Variants in NPAS3 observed in about 807,000 individuals in gnomAD.
NPAS3 encodes neuronal PAS domain-containing protein 3.
A neutral mutation model predicts 73.1 loss-of-function variants in NPAS3; 14 were observed. That is an observed-to-expected ratio of 0.19 (90% confidence interval 0.13 to 0.30). The LOEUF (loss-of-function observed/expected upper bound fraction) is 0.30, where lower values mean the gene tolerates loss of function less well. Ranked by LOEUF, NPAS3 falls within the 10% of genes least tolerant of loss-of-function variation. The pLI is 1.00. For synonymous variants in NPAS3, 620 were observed against 541.5 expected, an observed-to-expected ratio of 1.14 and a Z score of -2.01; for missense variants, 1,096 against 1,250.0, an observed-to-expected ratio of 0.88 and a Z score of 1.86.
chr14:33,227,880 A>T (rs889620521), intron 3 of NPAS3, among the ~76,000 whole-genome samples: 6 of 152,202 alleles, frequency 3.9e-5, no homozygotes, highest in Non-Finnish European at 5.9e-5. Context: ...ATTTTAATGT[A>T]TCTTCAGAAT....
chr14:33,007,293 T>A (rs1046292720), intron 1 of NPAS3, among the ~76,000 whole-genome samples: 3 of 152,216 alleles, frequency 2.0e-5, no homozygotes, highest in African/African-American at 7.2e-5. Flanking sequence ...TTGGCTTAAC[T>A]CACTCGTTGC....
At chr14:33,189,061 A>G (rs1244186101) in intron 2 of NPAS3, among the ~76,000 whole-genome samples, 1 of 152,180 alleles carries the variant, frequency 6.6e-6, no homozygotes, top group East Asian at 1.9e-4. Flanking sequence ...ACAGTGTTGC[A>G]CAATAATGAA....
In NPAS3 at chr14:33,632,197, A is replaced by G. The variant is rs76741914; in HGVS notation, c.559-44014A>G. On this transcript the variant is annotated intron_variant, in intron 5 of 11. Transcript: ENST00000356141. Reference sequence around the variant, plus strand: ...GACCTTCTAGGTGTTGACCAAGTCCATGTGAGTTTAAGCGTGTCAACTTTA... The same window carrying G: ...GACCTTCTAGGTGTTGACCAAGTCCGTGTGAGTTTAAGCGTGTCAACTTTA... Among the ~76,000 whole-genome samples the G allele has an allele frequency of 1.7e-3, 256 of 152,306 alleles. 1 individual carries two copies. Among genetic ancestry groups the G allele is most frequent in the African/African-American group, 5.8e-3 (240 of 41,582 alleles).
intron 4 of NPAS3, among the ~76,000 whole-genome samples, chr14:33,439,145 AC>A (rs1159183938): frequency 5.3e-5 from 8 of 152,230 alleles, no homozygotes; most frequent in African/African-American, 1.9e-4. Flanking sequence ...TTTTTCTAAT[AC>A]ATCTTCACTA....
At chr14:33,748,567 A>T (rs866106937) in intron 7 of NPAS3, among the ~76,000 whole-genome samples, 1 of 152,208 alleles carries the variant, frequency 6.6e-6, no homozygotes, top group South Asian at 2.1e-4. Context: ...AGAAGTCATG[A>T]AAAACAGAGT....
chr14:33,318,329 C>A (rs1163597338), intron 3 of NPAS3, among the ~76,000 whole-genome samples: 1 of 151,948 alleles, frequency 6.6e-6, no homozygotes, highest in East Asian at 1.9e-4. Flanking sequence ...TAGTGGTTGC[C>A]AGGAACTGAG....
rs573802223 is a variant in NPAS3 at position 33,465,506 on chromosome 14, C to T, written c.469-94615C>T. On this transcript the variant is annotated intron_variant, in intron 4 of 11. Transcript: ENST00000356141. ...TTAGTGTTCTTGGTGTTATTACTAGCTTTGGTTGAGCACTTACTACATACC... is the reference window on the plus strand; with the variant it reads ...TTAGTGTTCTTGGTGTTATTACTAGTTTTGGTTGAGCACTTACTACATACC... 8.7e-4 allele frequency among the ~76,000 whole-genome samples: 132 copies of T among 152,228 alleles called. 4 individuals carry two copies. The South Asian group carries it at 0.027, about 31-fold the overall frequency.
chr14:33,631,881 G>T (rs1326961320), intron 5 of NPAS3, among the ~76,000 whole-genome samples: 1 of 152,316 alleles, frequency 6.6e-6, no homozygotes, highest in East Asian at 1.9e-4. Flanking sequence ...TTGCGTTTGG[G>T]CAGTGTCAAA....
At chr14:33,256,645 A>G (rs1328285404) in intron 3 of NPAS3, among the ~76,000 whole-genome samples, 2 of 152,232 alleles carry the variant, frequency 1.3e-5, no homozygotes, top group Non-Finnish European at 2.9e-5. Context: ...GGACATAAAT[A>G]TGCTAGAACT....
At position 33,110,314 on chromosome 14, in the gene NPAS3, A is replaced by T. The variant is rs537532541; in HGVS notation, c.140+54320A>T. On this transcript the variant is annotated intron_variant, in intron 2 of 11. Transcript: ENST00000356141. ...AATATGCAATGAGTAACCATTTTCC[A>T]AAGAGTGTTCTACTGAACTCAAGTT... Among the ~76,000 whole-genome samples, 18 of 152,262 alleles carry T rather than the reference A, an allele frequency of 1.2e-4. No individual in the cohort carries two copies. The East Asian group carries it at 3.5e-3, about 29-fold the overall frequency.
At chr14:33,056,315 A>C (rs1367161974) in intron 2 of NPAS3, among the ~76,000 whole-genome samples, 1 of 152,218 alleles carries the variant, frequency 6.6e-6, no homozygotes, top group Non-Finnish European at 1.5e-5. Flanking sequence ...AAATCTCGGC[A>C]AAATACATTG....
intron 2 of NPAS3, among the ~76,000 whole-genome samples, chr14:33,110,773 C>T (rs2042866658): frequency 6.6e-6 from 1 of 151,704 alleles, no homozygotes; most frequent in Admixed American, 6.6e-5. Flanking sequence ...TCTCTAGGTT[C>T]AGTCCGGGGA....
At chr14:33,682,188 C>A (rs1282383056) in intron 6 of NPAS3, among the ~76,000 whole-genome samples, 1 of 152,168 alleles carries the variant, frequency 6.6e-6, no homozygotes, top group Non-Finnish European at 1.5e-5. Flanking sequence ...ATAAATCCAT[C>A]AGATAAACTA....
chr14:33,041,797 G>A (rs894458061), intron 1 of NPAS3, among the ~76,000 whole-genome samples: 3 of 152,046 alleles, frequency 2.0e-5, no homozygotes, highest in African/African-American at 7.2e-5. Context: ...ACCATGTTTT[G>A]GAAAACAGGA....
At chr14:33,519,198 C>T (rs1469356671) in intron 4 of NPAS3, among the ~76,000 whole-genome samples, 1 of 152,164 alleles carries the variant, frequency 6.6e-6, no homozygotes, top group Non-Finnish European at 1.5e-5. Context: ...CGCTGGCATC[C>T]TTTGATTTTA....
chr14:33,418,186 A>G (rs2048228716), intron 4 of NPAS3, among the ~76,000 whole-genome samples: 1 of 151,940 alleles, frequency 6.6e-6, no homozygotes, highest in Admixed American at 6.6e-5. Flanking sequence ...ATAGGGCCCT[A>G]CCTAACCAGT....
chr14:33,288,882 A>G lies in NPAS3; in HGVS notation c.385+73456A>G, dbSNP rs143854211. ...AATTATTATGGAACCTGAGTCTAGA[A>G]TGAACCAACGTTGGGGAGTGCTCAA... On this transcript the variant is annotated intron_variant, in intron 3 of 11. Transcript: ENST00000356141. Among the ~76,000 whole-genome samples the G allele has an allele frequency of 6.0e-4, 92 of 152,320 alleles. No individual in the cohort carries two copies. The East Asian group carries it at 0.018, about 29-fold the overall frequency.
At chr14:33,368,322 A>G (rs529816765) in intron 4 of NPAS3, among the ~76,000 whole-genome samples, 41 of 151,952 alleles carry the variant, frequency 2.7e-4, no homozygotes, top group East Asian at 1.5e-3. Flanking sequence ...AAAAAAAAAA[A>G]AAGAAGAAAA....
intron 4 of NPAS3, among the ~76,000 whole-genome samples, chr14:33,515,663 A>G (rs2053262133): frequency 6.6e-6 from 1 of 152,086 alleles, no homozygotes; most frequent in South Asian, 2.1e-4. Context: ...CCTGCATTAG[A>G]CAATTCTTCC....
Sources: gnomAD v4.1 joint callset for allele counts (sites outside exome capture counted in the v4.1 genomes callset) on GRCh38, gnomAD v4.1.1 for gene constraint, MANE v1.5 for transcripts, NCBI Gene and HGNC (gene_info 2026-07-23, HGNC 2026-07-21) for gene names.